The following CACNA1H variants were observed in gnomAD, a reference collection of about 807,000 sequenced individuals.
The protein encoded by CACNA1H is voltage-dependent T-type calcium channel subunit alpha-1H.
Under a neutral mutation model 192.5 loss-of-function variants are expected in CACNA1H, and 149 were observed. The observed-to-expected ratio is 0.77, with a 90% confidence interval of 0.68 to 0.89. The LOEUF (loss-of-function observed/expected upper bound fraction) is 0.89. Ranked by LOEUF, CACNA1H falls within the 40% of genes least tolerant of loss-of-function variation. The pLI, the probability that CACNA1H is intolerant of heterozygous loss-of-function variation, is 0.00. For synonymous variants in CACNA1H, 2,202 were observed against 1,475.2 expected (o/e 1.49, Z -11.29); for missense variants, 4,257 against 3,423.5 (o/e 1.24, Z -6.08).
At position 1,189,451 on chromosome 16, in the gene CACNA1H, C is replaced by A. The variant is rs986639093; in HGVS notation, c.300-5521C>A. ...TTTTTTTTTGATATGGGGTCTTGCT[C>A]CGTCACCCAGCCTGGAGTGCAGTGG... is the stretch of plus-strand genomic sequence containing the variant. On this transcript the variant is annotated intron_variant, in intron 2 of 34. Transcript: ENST00000348261. Among the ~76,000 whole-genome samples, 17 of 124,040 alleles carry A rather than the reference C, an allele frequency of 1.4e-4. No individual in the cohort carries two copies. In the Admixed American group the frequency reaches 1.6e-3, roughly 12 times the overall value. 81.4% of individuals were successfully genotyped at this position (124,040 alleles called of 152,430 possible). A position where few individuals can be genotyped will look rare whatever the true frequency, so the allele number is the denominator to read the frequency against.
In CACNA1H at chr16:1,189,739, A is replaced by G. The variant is rs945621204; in HGVS notation, c.300-5233A>G. Among the ~76,000 whole-genome samples the G allele has an allele frequency of 3.9e-5, 6 of 152,134 alleles. No individual in the cohort carries two copies. In the South Asian group the frequency reaches 8.3e-4, roughly 21 times the overall value. On this transcript the variant is annotated intron_variant, in intron 2 of 34. Coordinates refer to ENST00000348261, the MANE Select transcript of CACNA1H (RefSeq NM_021098.3). ...GGCCCAGCCTGAGAGCACTGATTAT[A>G]GAGTGTGGGGCTGAGGGACAGGATG...
At chr16:1,192,834 G>A (rs1218992642) in intron 2 of CACNA1H, among the ~76,000 whole-genome samples, 2 of 152,214 alleles carry the variant, frequency 1.3e-5, no homozygotes, top group East Asian at 3.8e-4. Context: ...GAGTCCAGGG[G>A]TGGCTGGAAA....
intron 2 of CACNA1H, among the ~76,000 whole-genome samples, chr16:1,189,993 G>A (rs1966457495): frequency 6.6e-6 from 1 of 152,242 alleles, no homozygotes; most frequent in South Asian, 2.1e-4. Flanking sequence ...CAGAAAAGAG[G>A]AGAATCACTG....
intron 2 of CACNA1H, among the ~76,000 whole-genome samples, chr16:1,163,647 C>T (rs1360148095): frequency 2.6e-5 from 4 of 152,260 alleles, no homozygotes; most frequent in Non-Finnish European, 5.9e-5. Flanking sequence ...ATTAGCGCCT[C>T]ATTGAAATGG....
chr16:1,220,792 G>A lies in CACNA1H; in HGVS notation c.6860G>A (p.Ser2287Asn), dbSNP rs751085066. ...GACCCTTTCTTGGACGGTAGCCACA[G>A]TGTGACCCCAGAATCCAGAGCTTCC... ...SGDPFLDGSHSVTPESRASSS... is the reference protein window; with the variant it reads ...SGDPFLDGSHNVTPESRASSS... Residue 2287 changes from serine (S) to asparagine (N), a missense_variant, in exon 35 of 35, where the codon AGT becomes AAT. Transcript: ENST00000348261. 6.2e-6 allele frequency: 10 copies of A among 1,612,690 alleles called. No individual in the cohort carries two copies. The highest frequency in any genetic ancestry group is 8.5e-6 in the Non-Finnish European group (10 of 1,179,806).
In CACNA1H at chr16:1,210,871, T is replaced by C; in HGVS notation, c.4123T>C (p.Ser1375Pro). ...NLLDGLLVLV[S>P]LVDIVVAMAS... Reference sequence around the variant, plus strand: ...GCTGGATGGGCTGCTGGTGCTGGTGTCCCTGGTGGACATTGTCGTGGCCAT... The same window carrying C: ...GCTGGATGGGCTGCTGGTGCTGGTGCCCCTGGTGGACATTGTCGTGGCCAT... The change falls in exon 21 of 35, where the codon TCC (serine) becomes CCC (proline). Residue 1375 changes from serine (S) to proline (P), a missense_variant. Coordinates refer to ENST00000348261, the MANE Select transcript of CACNA1H (RefSeq NM_021098.3). The C allele has an allele frequency of 6.2e-7, 1 of 1,605,626 alleles. No individual in the cohort carries two copies. Among genetic ancestry groups the C allele is most frequent in the Non-Finnish European group, 8.5e-7 (1 of 1,179,720 alleles).
At chr16:1,182,788 C>T (rs1462125960) in intron 2 of CACNA1H, among the ~76,000 whole-genome samples, 2 of 152,096 alleles carry the variant, frequency 1.3e-5, no homozygotes, top group Non-Finnish European at 2.9e-5. Flanking sequence ...GTCACTGTGG[C>T]GGGGACCCCC....
intron 6 of CACNA1H, 81 bp downstream of exon 6, chr16:1,198,855 G>A (rs1001997510): frequency 1.1e-4 from 143 of 1,361,004 alleles, no homozygotes; most frequent in Middle Eastern, 2.0e-4. Context: ...TGGCTCCACC[G>A]CCCCACGTGG....
intron 6 of CACNA1H, 60 bp from the exon 7 acceptor site, chr16:1,200,196 C>G (rs186613140): frequency 2.1e-6 from 3 of 1,402,524 alleles, no homozygotes; most frequent in African/African-American, 1.4e-5. Flanking sequence ...ATCGTGCCCC[C>G]GACTCTGACC....
intron 2 of CACNA1H, among the ~76,000 whole-genome samples, chr16:1,179,714 C>T (rs965961729): frequency 4.7e-5 from 7 of 150,446 alleles, no homozygotes; most frequent in African/African-American, 1.7e-4. Context: ...CAGGTGTGAG[C>T]CACCACGCCC....
intron 9 of CACNA1H, 72 bp downstream of exon 9, chr16:1,202,524 C>T (rs975163729): frequency 3.1e-6 from 4 of 1,301,220 alleles, no homozygotes; most frequent in African/African-American, 3.0e-5. Context: ...TCCGGTGTGT[C>T]ATTCCCACAC....
In CACNA1H at chr16:1,195,521, G is replaced by C. The variant is rs1481926351; in HGVS notation, c.501G>C (p.Leu167=). 2 of 1,604,784 alleles carry C rather than the reference G, an allele frequency of 1.2e-6. No individual in the cohort carries two copies. Among genetic ancestry groups the C allele is most frequent in the Non-Finnish European group, 1.7e-6 (2 of 1,175,920 alleles). ...GGCTGTTCGGGCAGAAGTGTTACCT[G>C]GGTGACACGTGGAACAGGCTGGATT... is the stretch of plus-strand genomic sequence containing the variant. ...ALGLFGQKCY[L]GDTWNRLDFF... The change falls in exon 4 of 35, where the codon CTG becomes CTC. Residue 167 remains leucine (L), a synonymous_variant. Transcript: ENST00000348261.
At chr16:1,203,788 G>A (rs1361927454) in intron 9 of CACNA1H, among the ~76,000 whole-genome samples, 1 of 152,152 alleles carries the variant, frequency 6.6e-6, no homozygotes, top group Non-Finnish European at 1.5e-5. Context: ...GTGGCTCAGG[G>A]CCCTCCCTAC....
Position 1,215,070 on chromosome 16 carries a change from C to T in CACNA1H, c.5028C>T (p.Phe1676=), listed in dbSNP as rs753461606. Reference sequence around the variant, plus strand: ...TGGTAGCATTTGGGTTCCGTCGGTTCTTCAAGGACAGGTGTGTGTGGTGGG... The same window carrying T: ...TGGTAGCATTTGGGTTCCGTCGGTTTTTCAAGGACAGGTGTGTGTGGTGGG... The part of the protein sequence containing the change: ...LKLVAFGFRR[F]FKDRWNQLDL... Residue 1676 remains phenylalanine (F), a synonymous_variant, in exon 28 of 35, where the codon TTC becomes TTT. Coordinates refer to ENST00000348261, the MANE Select transcript of CACNA1H (RefSeq NM_021098.3). 4.3e-6 allele frequency: 7 copies of T among 1,611,758 alleles called. No individual in the cohort carries two copies. The East Asian group carries it at 8.9e-5, about 21-fold the overall frequency.
At chr16:1,201,230 T>G (rs376107677) in intron 8 of CACNA1H, among the ~76,000 whole-genome samples, 33 of 152,144 alleles carry the variant, frequency 2.2e-4, no homozygotes, top group African/African-American at 7.7e-4. Context: ...ACCTAGTAGG[T>G]AACAGAAGCA....
rs532002301 is a variant in CACNA1H, at chr16:1,218,111, C to T, written c.5445+71C>T. 16 of 1,549,804 alleles carry T rather than the reference C, an allele frequency of 1.0e-5. No individual in the cohort carries two copies. In the East Asian group the frequency reaches 1.4e-4, roughly 14 times the overall value. ...TTTTCAGGCTCTCCCAGGAACGGGT[C>T]GGATCCGTCCTTGCAGGGCAGGGGG... On this transcript the variant is annotated intron_variant, in intron 32 of 34. Transcript: ENST00000348261.
intron 2 of CACNA1H, among the ~76,000 whole-genome samples, chr16:1,162,709 C>G (rs1963346045): frequency 6.6e-6 from 1 of 151,818 alleles, no homozygotes; most frequent in Non-Finnish European, 1.5e-5. Context: ...GGGGGCCGCA[C>G]TTGGCTCTGG....
intron 2 of CACNA1H, among the ~76,000 whole-genome samples, chr16:1,171,513 A>C (rs1228106638): frequency 6.6e-6 from 1 of 152,192 alleles, no homozygotes; most frequent in Non-Finnish European, 1.5e-5. Flanking sequence ...ACAAAGGTCG[A>C]ATGGAGATGG....
chr16:1,211,024 C>T lies in CACNA1H; in HGVS notation c.4223+53C>T, dbSNP rs2738898. On this transcript the variant is annotated intron_variant, in intron 21 of 34. Transcript: ENST00000348261. ...GCAACCTGGAAGCACAGTCCCCTGA[C>T]GCCACTGCCCATTACTCCTCCCGCA... 930,927 of 1,564,372 alleles carry T rather than the reference C, an allele frequency of 0.6. 281,329 individuals carry two copies. The highest frequency in any genetic ancestry group is 0.9 in the East Asian group (39,923 of 44,510).
Sources: allele counts gnomAD v4.1 joint callset (sites outside exome capture counted in the v4.1 genomes callset), GRCh38; gene constraint gnomAD v4.1.1; transcripts MANE v1.5; gene names NCBI Gene and HGNC (gene_info 2026-07-23, HGNC 2026-07-21).